Variants in NRG2 observed in about 807,000 individuals in gnomAD.
NRG2 encodes the protein neuregulin 2, also known as pro-neuregulin-2, membrane-bound isoform.
Under a neutral mutation model 73.9 loss-of-function variants are expected in NRG2, and 27 were observed. The observed-to-expected ratio is 0.37, with a 90% CI of 0.27 to 0.50. NRG2 has a LOEUF of 0.50. Among genes scored for constraint, NRG2 ranks in the 20% least tolerant of loss-of-function variants. NRG2 has a pLI of 0.96. For synonymous variants in NRG2, 532 were observed against 541.0 expected, an observed-to-expected ratio of 0.98 and a Z score of 0.23; for missense variants, 1,126 against 1,210.1, an observed-to-expected ratio of 0.93 and a Z score of 1.03.
chr5:139,889,051 T>C (rs537198811), intron 1 of NRG2, among the ~76,000 whole-genome samples: 85 of 152,348 alleles, frequency 5.6e-4, no homozygotes, highest in African/African-American at 2.0e-3. Context: ...CAAAGTGTAT[T>C]CTATAAGCAG....
chr5:139,982,819 TGAG>T (rs1756911226), intron 1 of NRG2, among the ~76,000 whole-genome samples: 1 of 152,192 alleles, frequency 6.6e-6, no homozygotes, highest in African/African-American at 2.4e-5. Context: ...CTTAGCTGGC[TGAG>T]GAGTAGTCTT....
chr5:139,878,039 G>A (rs544970044), intron 3 of NRG2, among the ~76,000 whole-genome samples: 6 of 152,294 alleles, frequency 3.9e-5, no homozygotes, highest in Middle Eastern at 3.4e-3. Flanking sequence ...ACAGTAATCC[G>A]TGTGTGGGAG....
intron 1 of NRG2, among the ~76,000 whole-genome samples, chr5:139,933,555 A>G (rs1181611923): frequency 1.3e-5 from 2 of 152,180 alleles, no homozygotes; most frequent in African/African-American, 2.4e-5. Flanking sequence ...ACAGTTTAAA[A>G]TATATATGCC....
At chr5:139,871,594 C>T (rs1762852064) in intron 4 of NRG2, 127 bp downstream of exon 4, 9 of 1,242,542 alleles carry the variant, frequency 7.2e-6, no homozygotes, top group Non-Finnish European at 1.0e-5. Flanking sequence ...GGCAAAGCTT[C>T]CTGTCTACAC....
chr5:140,032,060 CA>C (rs1761199215), intron 1 of NRG2, among the ~76,000 whole-genome samples: 1 of 152,156 alleles, frequency 6.6e-6, no homozygotes, highest in Non-Finnish European at 1.5e-5. Flanking sequence ...CAGAAGCCCC[CA>C]AATTGTCTAC....
At chr5:139,849,052 T>C (rs1761234555) in intron 9 of NRG2, among the ~76,000 whole-genome samples, 1 of 152,160 alleles carries the variant, frequency 6.6e-6, no homozygotes, top group Admixed American at 6.5e-5. Flanking sequence ...GGGGTCAGGC[T>C]CACGCTGGGG....
At position 139,852,914 on chromosome 5, in the gene NRG2, T is replaced by TGGATCTCCTCTGGGTCCAGCC. The variant is rs1761551659; in HGVS notation, c.1385_1405dup (p.Arg462_Ile468dup). On this transcript the variant is annotated inframe_insertion, in exon 7 of 10. Coordinates refer to ENST00000361474, the MANE Select transcript of NRG2 (RefSeq NM_004883.3). This position sits in a 1 kb window ranked among gnomAD's most constrained non-coding sequence, Gnocchi z 4.4. ...AGGAAAGCCACTCACATCTGCCATC[T>TGGATCTCCTCTGGGTCCAGCC]GGATCTCCTCTGGGTCCAGCCGGGG... 5 of 1,613,096 alleles carry TGGATCTCCTCTGGGTCCAGCC rather than the reference T, an allele frequency of 3.1e-6. No individual in the cohort carries two copies. The highest frequency in any genetic ancestry group is 2.5e-6 in the Non-Finnish European group (3 of 1,179,724).
chr5:139,974,910 C>A (rs918102949), intron 1 of NRG2, among the ~76,000 whole-genome samples: 1 of 152,230 alleles, frequency 6.6e-6, no homozygotes, highest in Non-Finnish European at 1.5e-5. Flanking sequence ...AGAATGGCTG[C>A]TTAGATGCAG....
At chr5:139,951,420 C>T (rs764128033) in intron 1 of NRG2, among the ~76,000 whole-genome samples, 10 of 152,136 alleles carry the variant, frequency 6.6e-5, no homozygotes, top group Non-Finnish European at 1.5e-4. Flanking sequence ...CACAGCCAGG[C>T]TGGAGGGTGC....
chr5:139,880,361 C>T (rs554509724), intron 3 of NRG2, among the ~76,000 whole-genome samples: 18 of 152,232 alleles, frequency 1.2e-4, no homozygotes, highest in South Asian at 8.3e-4. Flanking sequence ...GATGGCCTGT[C>T]GGGGAGGAGT....
chr5:139,890,511 G>T (rs1581876202), intron 1 of NRG2, among the ~76,000 whole-genome samples: 1 of 125,736 alleles, frequency 8.0e-6, no homozygotes. Flanking sequence ...GATTCTATGT[G>T]CATCAATCTA....
chr5:139,943,879 G>GAAAA (rs1554111933), intron 1 of NRG2, among the ~76,000 whole-genome samples: 46 of 152,230 alleles, frequency 3.0e-4, no homozygotes, highest in African/African-American at 1.1e-3. Context: ...CACTGGCAAT[G>GAAAA]CAAACAAACA....
At chr5:139,949,990 T>C (rs189376329) in intron 1 of NRG2, among the ~76,000 whole-genome samples, 2 of 152,310 alleles carry the variant, frequency 1.3e-5, no homozygotes, top group East Asian at 3.9e-4. Context: ...CTGCTGGGAA[T>C]GGCATGTGTG....
At chr5:140,005,609 C>G (rs146257035) in intron 1 of NRG2, among the ~76,000 whole-genome samples, 1 of 152,170 alleles carries the variant, frequency 6.6e-6, no homozygotes. Flanking sequence ...CAAGAGTGCT[C>G]GTGGTCGTCA....
At chr5:139,930,162 T>C (rs1752363356) in intron 1 of NRG2, among the ~76,000 whole-genome samples, 1 of 152,228 alleles carries the variant, frequency 6.6e-6, no homozygotes, top group Admixed American at 6.5e-5. Flanking sequence ...ACCAGGTTTA[T>C]TGTCTTTCAG....
chr5:139,984,990 A>G (rs1757062981), intron 1 of NRG2, among the ~76,000 whole-genome samples: 1 of 152,214 alleles, frequency 6.6e-6, no homozygotes. Flanking sequence ...CCATGCAGAT[A>G]CTGACCTCAC....
At chr5:139,931,104 T>C (rs569300159) in intron 1 of NRG2, among the ~76,000 whole-genome samples, 9 of 152,300 alleles carry the variant, frequency 5.9e-5, no homozygotes, top group South Asian at 4.1e-4. Context: ...TTTCCTCATA[T>C]GGAAAATGAG....
intron 1 of NRG2, among the ~76,000 whole-genome samples, chr5:139,929,544 A>G (rs975487729): frequency 8.5e-5 from 13 of 152,186 alleles, no homozygotes; most frequent in African/African-American, 3.1e-4. Flanking sequence ...AGAAGAGATC[A>G]GGTATAGGCT....
rs150175155 is a variant in NRG2 at position 139,939,494 on chromosome 5, T to C, written c.701-51983A>G. Among the ~76,000 whole-genome samples the C allele has an allele frequency of 1.3e-3, 198 of 152,138 alleles. 2 individuals are homozygous for C. The East Asian group carries it at 0.037, about 28-fold the overall frequency. ...TTCACCGTGTTGCCCAGGCTGGTCT[T>C]GAACTCCTGGCCTCAAGTGATCTGC... On this transcript the variant is annotated intron_variant, in intron 1 of 9. Coordinates refer to ENST00000361474, the MANE Select transcript of NRG2 (RefSeq NM_004883.3).
Sources: gnomAD v4.1 joint callset for allele counts (sites outside exome capture counted in the v4.1 genomes callset) on GRCh38, gnomAD v4.1.1 for gene constraint, Gnocchi (gnomAD v3.1) non-coding constraint, MANE v1.5 for transcripts, NCBI Gene and HGNC (gene_info 2026-07-23, HGNC 2026-07-21) for gene names.